C19orf44: variants seen among roughly 807,000 people sequenced by gnomAD.
C19orf44 encodes uncharacterized protein C19orf44.
C19orf44 carries 43 observed loss-of-function variants against 50.7 expected under a neutral mutation model. That is an observed-to-expected ratio of 0.85 (90% CI 0.66 to 1.09). The LOEUF is 1.09. C19orf44 is among the 50% of genes least tolerant of loss of function. The pLI is 0.00. For synonymous variants in C19orf44, 298 were observed against 334.7 expected (o/e 0.89, Z 1.20); for missense variants, 722 against 836.2 (o/e 0.86, Z 1.68).
chr19:16,504,578 G>A (rs2093434839), intron 3 of C19orf44, among the ~76,000 whole-genome samples: 1 of 151,108 alleles, frequency 6.6e-6, no homozygotes, highest in Non-Finnish European at 1.5e-5. Context: ...TCTAGACCAG[G>A]GGCTAGCAGG....
intron 4 of C19orf44, 149 bp downstream of exon 4, chr19:16,506,923 T>A: frequency 1.7e-6 from 1 of 594,974 alleles, no homozygotes; most frequent in East Asian, 2.9e-5. Context: ...TCCTCCCGAT[T>A]CAGCCTCCCA....
chr19:16,516,723 C>A (rs1332682629), intron 7 of C19orf44, among the ~76,000 whole-genome samples: 3 of 152,250 alleles, frequency 2.0e-5, no homozygotes, highest in Non-Finnish European at 4.4e-5. Context: ...TGCTTTGGAA[C>A]TGTGCCGAGT....
At chr19:16,517,419 T>A in intron 8 of C19orf44, 78 bp downstream of exon 8, 1 of 1,043,928 alleles carries the variant, frequency 9.6e-7, no homozygotes, top group Non-Finnish European at 1.4e-6. Context: ...TGACGTTCCG[T>A]GGTGGGGGCA....
At position 16,500,797 on chromosome 19, in the gene C19orf44, C is replaced by CT. The variant is rs768766721; in HGVS notation, c.7dup (p.Ser3PhefsTer11). ...TTGCTCCTCTTCCTCCACAGAATGG[C>CT]TTCTGCAAGGAAAGCCAGCCGTCCC... On this transcript the variant is annotated frameshift_variant, in exon 2 of 9. Transcript: ENST00000221671. LOFTEE classifies it high-confidence loss of function. The CT allele has an allele frequency of 1.5e-5, 23 of 1,570,648 alleles. No individual in the cohort carries two copies. The East Asian group carries it at 4.9e-4, about 34-fold the overall frequency.
chr19:16,515,712 G>T lies in C19orf44; in HGVS notation c.1902+1049G>T, dbSNP rs562947177. 3.3e-4 allele frequency among the ~76,000 whole-genome samples: 50 copies of T among 152,050 alleles called. No homozygotes were observed. In the East Asian group the frequency reaches 9.5e-3, roughly 29 times the overall value. On this transcript the variant is annotated intron_variant, in intron 7 of 8. Coordinates refer to ENST00000221671, the MANE Select transcript of C19orf44 (RefSeq NM_032207.4). ...GCCCAGCTAATTTTTGGGATTACAG[G>T]TGCGAGCCACCATGCCTGGCCACGT...
chr19:16,499,104 G>C (rs2093417784), intron 1 of C19orf44, among the ~76,000 whole-genome samples: 1 of 152,100 alleles, frequency 6.6e-6, no homozygotes, highest in South Asian at 2.1e-4. Flanking sequence ...CTTGCCCGGG[G>C]TCACACAGAC....
rs2085610328 is a variant in C19orf44 at position 16,521,086 on chromosome 19, C to T, written c.*1033C>T. 4.7e-6 allele frequency: 3 copies of T among 640,634 alleles called. No individual in the cohort carries two copies. The highest frequency in any genetic ancestry group is 4.7e-5 in the Admixed American group (2 of 42,242). The allele number at this position is 640,634 out of a possible 1,614,324, so 39.7% of individuals were successfully genotyped here. ...TCAGTGTTCCCACAGGGCTGTCCTC[C>T]TGCAGCCCAGTGGCTCCTCTGGTGC... On this transcript the variant is annotated 3_prime_UTR_variant, in exon 9 of 9. Transcript: ENST00000221671.
At position 16,519,324 on chromosome 19, in the gene C19orf44, C is replaced by T. The variant is rs372929779; in HGVS notation, c.*41-770C>T. 296 of 1,613,090 alleles carry T rather than the reference C, an allele frequency of 1.8e-4. No individual in the cohort carries two copies. Among genetic ancestry groups the T allele is most frequent in the Non-Finnish European group, 2.3e-4 (274 of 1,179,898 alleles). ...TGGGGTCCTGGATCCCTTGCTCCTT[C>T]GCACCGAGGCCGCCTGAGCCGCTCC... is the stretch of plus-strand genomic sequence containing the variant. On this transcript the variant is annotated intron_variant, in intron 8 of 8. Transcript: ENST00000221671. The surrounding 1 kb of genome is among the most constrained non-coding windows in gnomAD (Gnocchi z 6.0).
chr19:16,507,791 C>CTATTATTAT (rs558130158), intron 4 of C19orf44, among the ~76,000 whole-genome samples: 13 of 149,364 alleles, frequency 8.7e-5, no homozygotes, highest in African/African-American at 3.0e-4. Flanking sequence ...TGCGCCTGGC[C>CTATTATTAT]TATTATTATT....
rs750106803 is a variant in C19orf44 at position 16,513,073 on chromosome 19, A to G, written c.1699A>G (p.Ile567Val). ...AGGCGCCTACGTGGACCCGACACCCATCGCCAATCATGTTATCAGTGCAGA... is the reference window on the plus strand; with the variant it reads ...AGGCGCCTACGTGGACCCGACACCCGTCGCCAATCATGTTATCAGTGCAGA... ...LGGAYVDPTP[I>V]ANHVISADAI... Residue 567 changes from isoleucine (I) to valine (V), a missense_variant, in exon 6 of 9, where the codon ATC (isoleucine) becomes GTC (valine). Ile to Val is a conservative substitution (Grantham distance 29, BLOSUM62 3). Coordinates refer to ENST00000221671, the MANE Select transcript of C19orf44 (RefSeq NM_032207.4). The G allele has an allele frequency of 5.0e-6, 8 of 1,613,886 alleles. No individual in the cohort carries two copies. Among genetic ancestry groups the G allele is most frequent in the Non-Finnish European group, 5.1e-6 (6 of 1,180,016 alleles).
Position 16,519,291 on chromosome 19 carries a change from G to T in C19orf44, c.*41-803G>T. The T allele has an allele frequency of 1.2e-6, 2 of 1,613,948 alleles. No homozygotes were observed. Among genetic ancestry groups the T allele is most frequent in the Non-Finnish European group, 1.7e-6 (2 of 1,180,012 alleles). ...GGTCCCACTTATCCCGGACGTCCCCGCCCTTGATGGGGTCCTGGATCCCTT... is the reference window on the plus strand; with the variant it reads ...GGTCCCACTTATCCCGGACGTCCCCTCCCTTGATGGGGTCCTGGATCCCTT... On this transcript the variant is annotated intron_variant, in intron 8 of 8. Coordinates refer to ENST00000221671, the MANE Select transcript of C19orf44 (RefSeq NM_032207.4). This position sits in a 1 kb window ranked among gnomAD's most constrained non-coding sequence, Gnocchi z 6.0.
chr19:16,503,016 A>G, intron 2 of C19orf44, 49 bp from the exon 3 acceptor site: 4 of 1,543,680 alleles, frequency 2.6e-6, no homozygotes, highest in Non-Finnish European at 3.5e-6. Flanking sequence ...CAAAAAAACA[A>G]AAAACCTTAG....
chr19:16,519,580 G>A lies in C19orf44; in HGVS notation c.*41-514G>A, dbSNP rs373233686. 119 of 1,548,380 alleles carry A rather than the reference G, an allele frequency of 7.7e-5. No individual in the cohort carries two copies. The East Asian group carries it at 9.6e-4, about 13-fold the overall frequency. ...CTGGTGACTCCCGGGCCCAGCACGCGTGAGGACCCATCCCGCGCCCTCCCC... is the reference window on the plus strand; with the variant it reads ...CTGGTGACTCCCGGGCCCAGCACGCATGAGGACCCATCCCGCGCCCTCCCC... On this transcript the variant is annotated intron_variant, in intron 8 of 8. Transcript: ENST00000221671. The surrounding 1 kb of genome is among the most constrained non-coding windows in gnomAD (Gnocchi z 6.0).
intron 2 of C19orf44, among the ~76,000 whole-genome samples, chr19:16,502,824 CA>C (rs200824240): frequency 0.11 from 12,942 of 122,700 alleles, 524 homozygotes; most frequent in South Asian, 0.13. Flanking sequence ...CCCATTCCTA[CA>C]AAAAAAAAAA....
Position 16,519,579 on chromosome 19 carries a change from CGT to C in C19orf44, c.*41-513_*41-512del. On this transcript the variant is annotated intron_variant, in intron 8 of 8. Transcript: ENST00000221671. The surrounding 1 kb of genome is among the most constrained non-coding windows in gnomAD (Gnocchi z 6.0). ...GCTGGTGACTCCCGGGCCCAGCACGCGTGAGGACCCATCCCGCGCCCTCCCCA... is the reference window on the plus strand; with the variant it reads ...GCTGGTGACTCCCGGGCCCAGCACGCGAGGACCCATCCCGCGCCCTCCCCA... 3 of 1,536,094 alleles carry C rather than the reference CGT, an allele frequency of 2.0e-6. No individual in the cohort carries two copies. Among genetic ancestry groups the C allele is most frequent in the Non-Finnish European group, 2.7e-6 (3 of 1,109,388 alleles).
chr19:16,517,151 C>A, intron 7 of C19orf44, 79 bp from the exon 8 acceptor site: 1 of 1,336,186 alleles, frequency 7.5e-7, no homozygotes. Context: ...GTGCTGGCTC[C>A]ACTCCCTCCT....
chr19:16,518,302 C>G (rs942663791), intron 8 of C19orf44: 2 of 151,958 alleles, frequency 1.3e-5, no homozygotes, highest in Admixed American at 6.6e-5. Context: ...GTCGCACACG[C>G]CAGCCGGTGC....
At chr19:16,499,324 T>C (rs1223557091) in intron 1 of C19orf44, 1 of 152,046 alleles carries the variant, frequency 6.6e-6, no homozygotes, top group Admixed American at 6.6e-5. Context: ...TTTTACTCTG[T>C]CACCCAGGCT....
chr19:16,519,744 A>C lies in C19orf44; in HGVS notation c.*41-350A>C, dbSNP rs183145767. The stretch of plus-strand genomic sequence containing the variant: ...AAATCGAGACAGGTTATTCTTTTTA[A>C]GAAGTAACTGAGACATTTATTGGAA... On this transcript the variant is annotated intron_variant, in intron 8 of 8. Transcript: ENST00000221671. This position sits in a 1 kb window ranked among gnomAD's most constrained non-coding sequence, Gnocchi z 6.0. 7 of 1,561,348 alleles carry C rather than the reference A, an allele frequency of 4.5e-6. No homozygotes were observed. In the East Asian group the frequency reaches 1.6e-4, roughly 35 times the overall value.
Sources: gnomAD v4.1 joint callset for allele counts (sites outside exome capture counted in the v4.1 genomes callset) on GRCh38, gnomAD v4.1.1 for gene constraint, Gnocchi (gnomAD v3.1) non-coding constraint, MANE v1.5 for transcripts, NCBI Gene and HGNC (gene_info 2026-07-23, HGNC 2026-07-21) for gene names.